Variants in SPG7 observed in about 807,000 individuals in gnomAD.
SPG7 encodes mitochondrial inner membrane m-AAA protease component paraplegin.
Under a neutral mutation model 81.9 loss-of-function variants are expected in SPG7, and 103 were observed. The observed-to-expected ratio is 1.26, with a 90% CI of 1.07 to 1.48. The LOEUF (loss-of-function observed/expected upper bound fraction) is 1.48. Ranked by LOEUF, SPG7 falls within the 40% of genes most tolerant of loss-of-function variation. The probability of loss-of-function intolerance (pLI) is 0.00; values close to 1 mark genes in which losing one functional copy is unlikely to be tolerated. For synonymous variants in SPG7, 534 were observed against 444.2 expected (o/e 1.20, Z -2.54); for missense variants, 1,241 against 1,087.3 (o/e 1.14, Z -1.99).
In SPG7 at chr16:89,508,445, G is replaced by A. The variant is rs577872969; in HGVS notation, c.28G>A (p.Ala10Thr). ...GGCCGTGCTGCTGCTGCTGCTCCGTGCCCTCCGCCGGGGTCCAGGCCCGGG... is the reference window on the plus strand; with the variant it reads ...GGCCGTGCTGCTGCTGCTGCTCCGTACCCTCCGCCGGGGTCCAGGCCCGGG... MAVLLLLLR[A>T]LRRGPGPGPR... The change falls in exon 1 of 17, where the codon GCC becomes ACC. Residue 10 changes from alanine to threonine, a missense_variant. By Grantham distance (58) the Ala-to-Thr change is moderately conservative. Transcript: ENST00000645818. 3.3e-6 allele frequency: 5 copies of A among 1,502,348 alleles called. No homozygotes were observed. Among genetic ancestry groups the A allele is most frequent in the South Asian group, 1.2e-5 (1 of 80,738 alleles). The allele number at this position is 1,502,348 out of a possible 1,614,324, so 93.1% of individuals were successfully genotyped here.
At chr16:89,508,893 A>T (rs913159687) in intron 1 of SPG7, 54 of 610,062 alleles carry the variant, frequency 8.9e-5, no homozygotes, top group African/African-American at 8.0e-4. Flanking sequence ...CTCGCCTTTT[A>T]AAGTGGAATC....
At chr16:89,532,435 T>A (rs1199672363) in intron 8 of SPG7, 28 bp from the exon 9 acceptor site, 13 of 1,612,824 alleles carry the variant, frequency 8.1e-6, no homozygotes, top group Non-Finnish European at 1.0e-5. Context: ...TAACTGCCCA[T>A]TTCCTGATTC....
intron 13 of SPG7, chr16:89,552,423 G>T: frequency 6.1e-6 from 1 of 164,982 alleles, no homozygotes. Flanking sequence ...TGGCCATCTC[G>T]CCGCCACAAT....
chr16:89,529,901 G>A (rs1405193089), intron 6 of SPG7: 2 of 376,752 alleles, frequency 5.3e-6, no homozygotes, highest in African/African-American at 4.2e-5. Context: ...GTGCAGCCGT[G>A]CGATCTCAGC....
chr16:89,526,567 A>G (rs1193769559), intron 5 of SPG7, 99 bp downstream of exon 5: 3 of 1,353,388 alleles, frequency 2.2e-6, no homozygotes, highest in African/African-American at 1.4e-5. Context: ...GTCTTTGCCT[A>G]TAGTTAACTA....
chr16:89,550,879 G>T (rs374943231), intron 13 of SPG7, among the ~76,000 whole-genome samples: 98 of 152,306 alleles, frequency 6.4e-4, no homozygotes, highest in African/African-American at 2.3e-3. Flanking sequence ...GGGGTGACTC[G>T]TGGAAGGTTA....
At chr16:89,556,097 C>G (rs1665566706) in intron 16 of SPG7, 1 of 398,732 alleles carries the variant, frequency 2.5e-6, no homozygotes, top group Non-Finnish European at 4.4e-6. Flanking sequence ...CAAGGCTTCT[C>G]ACTGGCTGAG....
rs2152411843 is a variant in SPG7, at chr16:89,552,982, T to A, written c.1783T>A (p.Ser595Thr). The change falls in exon 14 of 17, where the codon TCC becomes ACC. Residue 595 changes from serine to threonine, a missense_variant. Transcript: ENST00000645818. ...LEHTEAVMKV[S>T]ITPRTNAALG... ...GGTCATCTTGACCTTGTGCCAGGTC[T>A]CCATAACCCCTCGGACAAACGCCGC... 6.2e-7 allele frequency: 1 copy of A among 1,613,784 alleles called. No individual in the cohort carries two copies. The highest frequency in any genetic ancestry group is 2.2e-5 in the East Asian group (1 of 44,884).
chr16:89,543,406 A>C (rs1298398465), intron 9 of SPG7: 1 of 140,480 alleles, frequency 7.1e-6, no homozygotes, highest in African/African-American at 2.7e-5. Flanking sequence ...ACAGTGACAC[A>C]ATCTCGGTTC....
At chr16:89,530,035 C>G (rs141056550) in intron 6 of SPG7, 56 of 302,296 alleles carry the variant, frequency 1.9e-4, no homozygotes, top group African/African-American at 1.1e-3. Context: ...GACGGGGTTT[C>G]TCCATGTTGT....
intron 9 of SPG7, among the ~76,000 whole-genome samples, chr16:89,535,717 G>A (rs1211443113): frequency 1.3e-5 from 2 of 152,230 alleles, no homozygotes; most frequent in African/African-American, 4.8e-5. Context: ...CGCCTCTGCT[G>A]GGAGAGCTGC....
At chr16:89,526,613 T>G in intron 5 of SPG7, 145 bp downstream of exon 5, 1 of 850,744 alleles carries the variant, frequency 1.2e-6, no homozygotes, top group Non-Finnish European at 2.0e-6. Flanking sequence ...AATATAGAAG[T>G]GAATGATACA....
chr16:89,519,100 C>G (rs1452710497), intron 3 of SPG7: 1 of 149,738 alleles, frequency 6.7e-6, no homozygotes, highest in Admixed American at 6.6e-5. Context: ...TCTCCTGCCT[C>G]AGCCTCCTGA....
chr16:89,515,562 C>T (rs1012692008), intron 3 of SPG7, among the ~76,000 whole-genome samples: 8 of 150,460 alleles, frequency 5.3e-5, no homozygotes, highest in South Asian at 2.2e-4. Flanking sequence ...CCACCACGCC[C>T]GGCTGACCTT....
Position 89,553,030 on chromosome 16 carries a change from C to T in SPG7, c.1831C>T (p.Pro611Ser). The change falls in exon 14 of 17, where the codon CCC becomes TCC. Residue 611 changes from proline to serine, a missense_variant. By Grantham distance (74) the Pro-to-Ser change is moderately conservative. Transcript: ENST00000645818. ...NAALGFAQML[P>S]RDQHLFTKEQ... ...CGCCCTGGGCTTTGCTCAGATGCTC[C>T]CCAGAGACCAGCACCTCTTCACCAA... 10 of 1,614,050 alleles carry T rather than the reference C, an allele frequency of 6.2e-6. No homozygotes were observed. The highest frequency in any genetic ancestry group is 8.5e-6 in the Non-Finnish European group (10 of 1,179,960).
At chr16:89,553,748 G>A (rs765201287) in intron 14 of SPG7, 46 bp from the exon 15 acceptor site, 1 of 1,593,802 alleles carries the variant, frequency 6.3e-7, no homozygotes, top group South Asian at 1.1e-5. Context: ...GCACTGCTCT[G>A]CGCCTGCAGT....
At chr16:89,552,540 C>T (rs1024737044) in intron 13 of SPG7, 14 of 253,852 alleles carry the variant, frequency 5.5e-5, no homozygotes, top group African/African-American at 3.1e-4. Flanking sequence ...CCTCCTTGCA[C>T]ACCTGATGTG....
intron 7 of SPG7, chr16:89,531,152 G>A (rs549011852): frequency 3.7e-5 from 15 of 407,842 alleles, no homozygotes; most frequent in African/African-American, 8.2e-5. Context: ...TATCACGTGC[G>A]TCACTTACAC....
rs1289099502 is a variant in SPG7 at position 89,510,478 on chromosome 16, T to C, written c.184-12T>C. The C allele has an allele frequency of 5.2e-6, 8 of 1,552,398 alleles. No individual in the cohort carries two copies. The highest frequency in any genetic ancestry group is 7.1e-6 in the Non-Finnish European group (8 of 1,128,166). ...GGTGTGACCTCCAGTATTGTTTTTT[T>C]TTTTTTTTCAGAGCTTACAATTGAG... On this transcript the variant is annotated splice_polypyrimidine_tract_variant and intron_variant, in intron 1 of 16. Coordinates refer to ENST00000645818, the MANE Select transcript of SPG7 (RefSeq NM_003119.4).
Sources: gnomAD v4.1 joint callset for allele counts (sites outside exome capture counted in the v4.1 genomes callset) on GRCh38, gnomAD v4.1.1 for gene constraint, MANE v1.5 for transcripts, NCBI Gene and HGNC (gene_info 2026-07-23, HGNC 2026-07-21) for gene names.